The following AGO3 variants were observed in gnomAD, a reference collection of about 807,000 sequenced individuals.
AGO3 encodes protein argonaute-3.
A neutral mutation model predicts 105.5 loss-of-function variants in AGO3; 16 were observed. The observed-to-expected ratio is 0.15, with a 90% confidence interval of 0.10 to 0.23. The LOEUF (loss-of-function observed/expected upper bound fraction) is 0.23, where lower values mean the gene tolerates loss of function less well. AGO3 is among the 10% of genes least tolerant of loss of function. AGO3 has a pLI of 1.00. For synonymous variants in AGO3, 340 were observed against 367.3 expected (o/e 0.93, Z 0.85); for missense variants, 534 against 1,088.0 (o/e 0.49, Z 7.16).
chr1:36,008,945 G>T lies in AGO3; in HGVS notation c.930G>T (p.Ala310=), dbSNP rs753247568. Residue 310 remains alanine, a synonymous_variant, in exon 8 of 19, where the codon GCG becomes GCT. Coordinates refer to ENST00000373191, the MANE Select transcript of AGO3 (RefSeq NM_024852.4). The surrounding 1 kb of genome is among the most constrained non-coding windows in gnomAD (Gnocchi z 5.1). ...GCCAAACTGTGGAGAGAACAGTAGC[G>T]CAGTATTTCAGAGAAAAGTATACTC... ...ENGQTVERTV[A]QYFREKYTLQ... The T allele has an allele frequency of 6.8e-6, 11 of 1,613,522 alleles. No homozygotes were observed. Among genetic ancestry groups the T allele is most frequent in the Non-Finnish European group, 9.3e-6 (11 of 1,179,988 alleles).
At chr1:35,985,050 G>A (rs1647139820) in intron 5 of AGO3, among the ~76,000 whole-genome samples, 1 of 152,146 alleles carries the variant, frequency 6.6e-6, no homozygotes, top group South Asian at 2.1e-4. Context: ...CCAGCACATT[G>A]GGAGGCCAAG....
At chr1:35,988,835 A>G (rs529385164) in intron 5 of AGO3, among the ~76,000 whole-genome samples, 18 of 151,954 alleles carry the variant, frequency 1.2e-4, no homozygotes, top group Non-Finnish European at 2.1e-4. Flanking sequence ...TCTATTTTTA[A>G]TTTTTTGAGG....
At chr1:36,030,441 G>T (rs1641719559) in intron 12 of AGO3, among the ~76,000 whole-genome samples, 1 of 151,482 alleles carries the variant, frequency 6.6e-6, no homozygotes, top group South Asian at 2.1e-4. Context: ...GGTGGAGGTT[G>T]CAGTGAGCCA....
Position 36,039,492 on chromosome 1 carries a change from CAAAAAAAA to C in AGO3, c.1843-281_1843-274del, listed in dbSNP as rs1048314282. ...CTGATGACAGAGCAAGACTGCGTCTCAAAAAAAAAAAAAAAAAAAAAAAAGAGAGAAAG... is the reference window on the plus strand; with the variant it reads ...CTGATGACAGAGCAAGACTGCGTCTCAAAAAAAAAAAAAAAAGAGAGAAAG... On this transcript the variant is annotated intron_variant, in intron 14 of 18. Coordinates refer to ENST00000373191, the MANE Select transcript of AGO3 (RefSeq NM_024852.4). Among the ~76,000 whole-genome samples, 349 of 55,644 alleles carry C rather than the reference CAAAAAAAA, an allele frequency of 6.3e-3. 2 individuals are homozygous for C. The highest frequency in any genetic ancestry group is 0.016 in the African/African-American group (312 of 19,090). The allele number at this position is 55,644 out of a possible 152,430, so 36.5% of individuals were successfully genotyped here.
Position 35,952,110 on chromosome 1 carries a change from GTCTTTCTTTCTT to G in AGO3, c.191+6277_191+6288del, listed in dbSNP as rs146413112. Reference sequence around the variant, plus strand: ...TCTGTAGATTGTCGGTTCTGGGTCGGTCTTTCTTTCTTTCTTTCTTTCTTTCTTTCTTTCTTT... The same window carrying G: ...TCTGTAGATTGTCGGTTCTGGGTCGGTCTTTCTTTCTTTCTTTCTTTCTTT... On this transcript the variant is annotated intron_variant, in intron 2 of 18. Transcript: ENST00000373191. Among the ~76,000 whole-genome samples the G allele has an allele frequency of 6.0e-3, 676 of 112,998 alleles. 39 individuals are homozygous for G. The South Asian group carries it at 0.069, about 12-fold the overall frequency. 74.1% of individuals were successfully genotyped at this position (112,998 alleles called of 152,430 possible).
intron 5 of AGO3, among the ~76,000 whole-genome samples, chr1:35,991,370 T>G (rs1211936262): frequency 6.6e-6 from 1 of 152,022 alleles, no homozygotes; most frequent in Non-Finnish European, 1.5e-5. Flanking sequence ...TCTCACTGTT[T>G]CAGTCTGGTT....
Position 36,043,504 on chromosome 1 carries a change from C to G in AGO3, c.2230C>G (p.Pro744Ala). ...GTTVDTDITH[P>A]YEFDFYLCSH... ...AACAGTTGATACAGACATTACACAC[C>G]CATATGAGTTCGATTTTTACCTCTG... is the stretch of plus-strand genomic sequence containing the variant. The change falls in exon 17 of 19, where the codon CCA (proline) becomes GCA (alanine). Residue 744 changes from proline to alanine, a missense_variant. Pro to Ala is a conservative substitution (Grantham distance 27, BLOSUM62 -1). Coordinates refer to ENST00000373191, the MANE Select transcript of AGO3 (RefSeq NM_024852.4). 6.2e-7 allele frequency: 1 copy of G among 1,613,688 alleles called. No homozygotes were observed. Among genetic ancestry groups the G allele is most frequent in the Non-Finnish European group, 8.5e-7 (1 of 1,179,874 alleles).
intron 2 of AGO3, among the ~76,000 whole-genome samples, chr1:35,954,007 T>G (rs1330072366): frequency 6.6e-6 from 1 of 152,200 alleles, no homozygotes; most frequent in Admixed American, 6.6e-5. Flanking sequence ...AACTTATTTT[T>G]TCTTTTGTCG....
chr1:35,942,478 TA>T (rs1414634624), intron 1 of AGO3, among the ~76,000 whole-genome samples: 1 of 152,206 alleles, frequency 6.6e-6, no homozygotes, highest in Non-Finnish European at 1.5e-5. Context: ...TTTTTTTCCT[TA>T]AATGTTTGGT....
Position 35,931,211 on chromosome 1 carries a change from C to T in AGO3, c.-216C>T, listed in dbSNP as rs1646038861. The T allele has an allele frequency of 4.9e-6, 2 of 408,710 alleles. No individual in the cohort carries two copies. Among genetic ancestry groups the T allele is most frequent in the South Asian group, 9.5e-5 (1 of 10,532 alleles). 25.3% of individuals were successfully genotyped at this position (408,710 alleles called of 1,614,324 possible). ...TCCCCTCTGTCCGCGCCTCACATCTCCCCTTCCTCTCGCCTAGTCCTGTGC... is the reference window on the plus strand; with the variant it reads ...TCCCCTCTGTCCGCGCCTCACATCTTCCCTTCCTCTCGCCTAGTCCTGTGC... On this transcript the variant is annotated 5_prime_UTR_variant, in exon 1 of 19. Coordinates refer to ENST00000373191, the MANE Select transcript of AGO3 (RefSeq NM_024852.4).
intron 2 of AGO3, among the ~76,000 whole-genome samples, chr1:35,958,675 TC>T (rs1226670775): frequency 6.6e-6 from 1 of 151,480 alleles, no homozygotes; most frequent in Non-Finnish European, 1.5e-5. Flanking sequence ...AGAAAAAAGA[TC>T]TAAAATATAA....
At chr1:35,940,190 C>T (rs1191961401) in intron 1 of AGO3, among the ~76,000 whole-genome samples, 1 of 152,128 alleles carries the variant, frequency 6.6e-6, no homozygotes. Context: ...CCTCAGCCTC[C>T]TGAGTAGCTG....
At chr1:35,930,873 G>A (rs1000374151), upstream of AGO3, 16 of 226,988 alleles carry the variant, frequency 7.0e-5, no homozygotes, top group Non-Finnish European at 1.0e-4. Flanking sequence ...CACTCGTGCG[G>A]CGCGAGTAGT....
intron 17 of AGO3, among the ~76,000 whole-genome samples, chr1:36,047,252 A>T (rs1340275183): frequency 6.6e-6 from 1 of 152,088 alleles, no homozygotes; most frequent in African/African-American, 2.4e-5. Flanking sequence ...TAAAAAAAAG[A>T]TCGGGAAAGC....
intron 11 of AGO3, 143 bp from the exon 12 acceptor site, chr1:36,026,971 C>A: frequency 2.2e-6 from 2 of 892,292 alleles, no homozygotes; most frequent in Non-Finnish European, 3.5e-6. Flanking sequence ...TTACGCTTAA[C>A]ATCAGTAGTC....
intron 3 of AGO3, among the ~76,000 whole-genome samples, chr1:35,967,338 T>A (rs1646791734): frequency 6.6e-6 from 1 of 152,128 alleles, no homozygotes; most frequent in South Asian, 2.1e-4. Context: ...CTCTTGTACA[T>A]ACATACTTAT....
At chr1:36,005,952 A>G (rs1314166326) in intron 6 of AGO3, 1 of 940,954 alleles carries the variant, frequency 1.1e-6, no homozygotes, top group Non-Finnish European at 1.3e-6. Context: ...GCAGAGAATT[A>G]TCTAGTCCAC....
At chr1:35,965,240 C>A (rs1278924897) in intron 2 of AGO3, among the ~76,000 whole-genome samples, 1 of 151,798 alleles carries the variant, frequency 6.6e-6, no homozygotes, top group African/African-American at 2.4e-5. Context: ...GCCTCTAATC[C>A]CAGCACTTTA....
chr1:35,971,224 A>G (rs937019973), intron 3 of AGO3, among the ~76,000 whole-genome samples: 12 of 143,432 alleles, frequency 8.4e-5, no homozygotes, highest in East Asian at 2.0e-4. Context: ...CAGTGGTGTG[A>G]TCTTGGCTCA....
Sources: gnomAD v4.1 joint callset for allele counts (sites outside exome capture counted in the v4.1 genomes callset) on GRCh38, gnomAD v4.1.1 for gene constraint, Gnocchi (gnomAD v3.1) non-coding constraint, MANE v1.5 for transcripts, NCBI Gene and HGNC (gene_info 2026-07-23, HGNC 2026-07-21) for gene names.